Variants in CHRM3 observed in about 807,000 individuals in gnomAD.
CHRM3 encodes the protein cholinergic receptor muscarinic 3.
In CHRM3, 11 loss-of-function variants were observed where a neutral mutation model predicts 41.8. That is an observed-to-expected ratio of 0.26 (90% CI 0.17 to 0.44). The LOEUF (loss-of-function observed/expected upper bound fraction) is 0.44, where lower values mean the gene tolerates loss of function less well. Ranked by LOEUF, CHRM3 falls within the 20% of genes least tolerant of loss-of-function variation. The pLI, the probability that CHRM3 is intolerant of heterozygous loss-of-function variation, is 1.00. For synonymous variants in CHRM3, 297 were observed against 301.4 expected (o/e 0.99, Z 0.15); for missense variants, 571 against 745.4 (o/e 0.77, Z 2.72).
At chr1:239,806,076 A>G (rs1406614671) in intron 5 of CHRM3, among the ~76,000 whole-genome samples, 1 of 152,186 alleles carries the variant, frequency 6.6e-6, no homozygotes, top group Non-Finnish European at 1.5e-5. Flanking sequence ...GCATAGGTCC[A>G]CTTCAAACCC....
At chr1:239,678,397 T>A (rs1346504603) in intron 5 of CHRM3, 109 bp downstream of exon 5, 1 of 152,188 alleles carries the variant, frequency 6.6e-6, no homozygotes, top group African/African-American at 2.4e-5. Context: ...ACAATTAAAT[T>A]CATGTGTCAG....
At chr1:239,537,182 T>C (rs1220958677) in intron 2 of CHRM3, among the ~76,000 whole-genome samples, 1 of 152,150 alleles carries the variant, frequency 6.6e-6, no homozygotes, top group African/African-American at 2.4e-5. Context: ...TCTTTTTACA[T>C]GTGAGTTAAA....
chr1:239,444,585 G>A (rs1317433479), intron 1 of CHRM3, among the ~76,000 whole-genome samples: 1 of 152,072 alleles, frequency 6.6e-6, no homozygotes, highest in Non-Finnish European at 1.5e-5. Flanking sequence ...TCAAAGGAAG[G>A]TATAAGACTG....
intron 3 of CHRM3, among the ~76,000 whole-genome samples, chr1:239,604,494 C>T (rs775873766): frequency 3.9e-5 from 6 of 152,176 alleles, no homozygotes; most frequent in Admixed American, 6.6e-5. Context: ...TAGTATCCCA[C>T]TGTATGTCTA....
At chr1:239,765,870 G>A (rs764677564) in intron 5 of CHRM3, among the ~76,000 whole-genome samples, 1 of 149,748 alleles carries the variant, frequency 6.7e-6, no homozygotes, top group African/African-American at 2.5e-5. Flanking sequence ...AGGCTGGAGT[G>A]CAATGGTGTA....
intron 6 of CHRM3, among the ~76,000 whole-genome samples, chr1:239,866,200 AC>A (rs1676081849): frequency 6.6e-6 from 1 of 152,050 alleles, no homozygotes; most frequent in East Asian, 1.9e-4. Flanking sequence ...ACACGGTGAA[AC>A]CCCGTCTCTA....
intron 6 of CHRM3, among the ~76,000 whole-genome samples, chr1:239,828,445 G>A (rs1488203359): frequency 6.6e-6 from 1 of 152,058 alleles, no homozygotes; most frequent in African/African-American, 2.4e-5. Flanking sequence ...TAACTGGCAT[G>A]AAGAAAAATT....
chr1:239,704,512 A>G (rs1440422585), intron 5 of CHRM3: 2 of 152,166 alleles, frequency 1.3e-5, no homozygotes, highest in Admixed American at 1.3e-4. Context: ...CTTGTCACAG[A>G]AGAAGGAACA....
chr1:239,506,707 T>C (rs1203045007), intron 2 of CHRM3, among the ~76,000 whole-genome samples: 1 of 152,042 alleles, frequency 6.6e-6, no homozygotes, highest in Non-Finnish European at 1.5e-5. Flanking sequence ...CCCAGAGTGG[T>C]AGAACTACAG....
intron 6 of CHRM3, among the ~76,000 whole-genome samples, chr1:239,896,765 T>A (rs1265063216): frequency 6.6e-6 from 1 of 152,198 alleles, no homozygotes; most frequent in Non-Finnish European, 1.5e-5. Flanking sequence ...CTGCCTACTA[T>A]ATGTCAGTAG....
intron 5 of CHRM3, among the ~76,000 whole-genome samples, chr1:239,679,887 C>T (rs1015702554): frequency 6.6e-6 from 1 of 152,054 alleles, no homozygotes; most frequent in African/African-American, 2.4e-5. Flanking sequence ...CCATCCAGTC[C>T]TTCACAGTCC....
chr1:239,606,075 G>A (rs1444090817), intron 3 of CHRM3: 1 of 152,178 alleles, frequency 6.6e-6, no homozygotes, highest in Non-Finnish European at 1.5e-5. Context: ...AAGCAGAGAA[G>A]AGAGTCCAGC....
At chr1:239,467,504 G>C (rs1361528188) in intron 1 of CHRM3, among the ~76,000 whole-genome samples, 1 of 152,112 alleles carries the variant, frequency 6.6e-6, no homozygotes. Context: ...GTTTCACCGT[G>C]TTGGTCAGGC....
chr1:239,842,473 G>T (rs1230669405), intron 6 of CHRM3, among the ~76,000 whole-genome samples: 4 of 152,258 alleles, frequency 2.6e-5, no homozygotes, highest in Admixed American at 6.5e-5. Context: ...GACATCAGGT[G>T]ATCCGCCTGC....
At chr1:239,605,118 G>A (rs920200424) in intron 3 of CHRM3, among the ~76,000 whole-genome samples, 79 of 152,300 alleles carry the variant, frequency 5.2e-4, no homozygotes, top group African/African-American at 1.9e-3. Flanking sequence ...ATGAAGTCAT[G>A]TAAGGATTGA....
chr1:239,733,919 T>G (rs186768941), intron 5 of CHRM3, among the ~76,000 whole-genome samples: 70 of 152,250 alleles, frequency 4.6e-4, no homozygotes, highest in Non-Finnish European at 7.9e-4. Context: ...ATATTAAACT[T>G]GATTCTAGAT....
At position 239,494,668 on chromosome 1, in the gene CHRM3, G is replaced by A. The variant is rs1188748159; in HGVS notation, c.-422+1861G>A. The stretch of plus-strand genomic sequence containing the variant: ...ATCATCTAGGTATTAAGCCCAGCAT[G>A]CATTAGTTCTTTTCCCTAATGCTCT... On this transcript the variant is annotated intron_variant, in intron 2 of 6. Transcript: ENST00000676153. Among the ~76,000 whole-genome samples, 3 of 152,180 alleles carry A rather than the reference G, an allele frequency of 2.0e-5. No individual in the cohort carries two copies. In the East Asian group the frequency reaches 5.8e-4, roughly 29 times the overall value.
intron 1 of CHRM3, among the ~76,000 whole-genome samples, chr1:239,447,171 T>TTCA (rs1373446712): frequency 2.6e-4 from 39 of 152,184 alleles, no homozygotes; most frequent in African/African-American, 8.9e-4. Context: ...ACCAAAGTAT[T>TTCA]TCATCTTGGT....
At chr1:239,779,064 A>G (rs538263412) in intron 5 of CHRM3, among the ~76,000 whole-genome samples, 1 of 152,314 alleles carries the variant, frequency 6.6e-6, no homozygotes, top group East Asian at 1.9e-4. Flanking sequence ...CTTAATATTT[A>G]TAATATTTTA....
Sources: gnomAD v4.1 joint callset for allele counts (sites outside exome capture counted in the v4.1 genomes callset) on GRCh38, gnomAD v4.1.1 for gene constraint, MANE v1.5 for transcripts, NCBI Gene and HGNC (gene_info 2026-07-23, HGNC 2026-07-21) for gene names.